Variants in RUSC2 observed in about 807,000 individuals in gnomAD.
RUSC2 encodes the protein AP-4 complex accessory subunit RUSC2.
In RUSC2, 34 loss-of-function variants were observed where a neutral mutation model predicts 122.2. The ratio of observed to expected loss-of-function variants is 0.28; its 90% CI spans 0.21 to 0.37. The LOEUF is 0.37. Among genes scored for constraint, RUSC2 ranks in the 10% least tolerant of loss-of-function variants. The pLI, the probability that RUSC2 is intolerant of heterozygous loss-of-function variation, is 1.00. For synonymous variants in RUSC2, 784 were observed against 790.0 expected (o/e 0.99, Z 0.13); for missense variants, 1,747 against 1,952.4 (o/e 0.89, Z 1.98).
Position 35,546,282 on chromosome 9 carries a change from C to T in RUSC2, c.-92-148C>T. 2.8e-6 allele frequency: 1 copy of T among 352,708 alleles called. No individual in the cohort carries two copies. Among genetic ancestry groups the T allele is most frequent in the Non-Finnish European group, 5.1e-6 (1 of 197,092 alleles). 21.8% of individuals were successfully genotyped at this position (352,708 alleles called of 1,614,324 possible). ...GAAAGCATGGTTACGTCCCCACCTG[C>T]CTATTGGGCTGTGTGGTCAAGCTCC... On this transcript the variant is annotated intron_variant, in intron 1 of 11. Coordinates refer to ENST00000361226, the MANE Select transcript of RUSC2 (RefSeq NM_014806.5). This position sits in a 1 kb window ranked among gnomAD's most constrained non-coding sequence, Gnocchi z 4.3.
intron 1 of RUSC2, among the ~76,000 whole-genome samples, chr9:35,532,455 A>G (rs1821438636): frequency 6.6e-6 from 1 of 152,176 alleles, no homozygotes. Context: ...TTTATAGAAG[A>G]CAAAAGGGGT....
At position 35,548,089 on chromosome 9, in the gene RUSC2, G is replaced by A. The variant is rs753457122; in HGVS notation, c.1568G>A (p.Arg523His). 1.9e-5 allele frequency: 31 copies of A among 1,613,006 alleles called. No individual in the cohort carries two copies. Among genetic ancestry groups the A allele is most frequent in the Middle Eastern group, 1.6e-4 (1 of 6,084 alleles). Residue 523 changes from arginine (R) to histidine (H), a missense_variant, in exon 2 of 12, where the codon CGC becomes CAC. By Grantham distance (29) the Arg-to-His change is conservative. Transcript: ENST00000361226. This position sits in a 1 kb window ranked among gnomAD's most constrained non-coding sequence, Gnocchi z 4.5. Reference protein sequence around the residue: ...SLERMLSCPVRLSEGPAAMAG... With the variant: ...SLERMLSCPVHLSEGPAAMAG... Reference sequence around the variant, plus strand: ...GAACGTATGTTGAGTTGCCCAGTGCGCTTGAGTGAGGGCCCTGCAGCCATG... The same window carrying A: ...GAACGTATGTTGAGTTGCCCAGTGCACTTGAGTGAGGGCCCTGCAGCCATG...
rs780154985 is a variant in RUSC2, at chr9:35,558,175, C to T, written c.3061-22C>T. The stretch of plus-strand genomic sequence containing the variant: ...CAGTCAGGCCTGAGGGGGTTTCCTG[C>T]ACTTCCCTACCACACCTACAGGCAA... On this transcript the variant is annotated intron_variant, in intron 6 of 11. Transcript: ENST00000361226. The surrounding 1 kb of genome is among the most constrained non-coding windows in gnomAD (Gnocchi z 4.3). 7 of 1,607,746 alleles carry T rather than the reference C, an allele frequency of 4.4e-6. No individual in the cohort carries two copies. The highest frequency in any genetic ancestry group is 5.9e-6 in the Non-Finnish European group (7 of 1,177,336).
intron 1 of RUSC2, among the ~76,000 whole-genome samples, chr9:35,494,432 C>A (rs1820632859): frequency 6.6e-6 from 1 of 152,124 alleles, no homozygotes; most frequent in South Asian, 2.1e-4. Context: ...CCCCTGCACT[C>A]CAGCTTGAGT....
intron 2 of RUSC2, among the ~76,000 whole-genome samples, chr9:35,550,210 C>CAA (rs75685185): frequency 9.4e-6 from 1 of 106,376 alleles, no homozygotes; most frequent in Admixed American, 9.5e-5. Context: ...AACTCCACCT[C>CAA]AAAAAAAAAA....
intron 1 of RUSC2, among the ~76,000 whole-genome samples, chr9:35,541,345 G>T (rs1369499626): frequency 2.0e-5 from 3 of 151,764 alleles, no homozygotes; most frequent in Non-Finnish European, 2.9e-5. Context: ...TTCATTAGAG[G>T]GGATGGGCCA....
At position 35,543,285 on chromosome 9, in the gene RUSC2, GC is replaced by G. The variant is rs1269183263; in HGVS notation, c.-92-3144del. Among the ~76,000 whole-genome samples, 3 of 152,076 alleles carry G rather than the reference GC, an allele frequency of 2.0e-5. No individual in the cohort carries two copies. The East Asian group carries it at 5.8e-4, about 29-fold the overall frequency. On this transcript the variant is annotated intron_variant, in intron 1 of 11. Coordinates refer to ENST00000361226, the MANE Select transcript of RUSC2 (RefSeq NM_014806.5). ...TACAAAAAATACAGAAATTAGCCAG[GC>G]GTGGTGGCACACACCTGTGGTCCTA...
Position 35,561,344 on chromosome 9 carries a change from C to CCAACT in RUSC2, c.4515_4519dup (p.Pro1507GlnfsTer46). 6.2e-7 allele frequency: 1 copy of CCAACT among 1,613,996 alleles called. No homozygotes were observed. The highest frequency in any genetic ancestry group is 8.5e-7 in the Non-Finnish European group (1 of 1,179,950). On this transcript the variant is annotated frameshift_variant, in exon 12 of 12. Coordinates refer to ENST00000361226, the MANE Select transcript of RUSC2 (RefSeq NM_014806.5). LOFTEE classifies it high-confidence loss of function. ...GCCCCTGGCCTACGTGACATTGACCCCAACTCCAAGTCCAACCCCTGGAAG... is the reference window on the plus strand; with the variant it reads ...GCCCCTGGCCTACGTGACATTGACCCCAACTCAACTCCAAGTCCAACCCCTGGAAG...
chr9:35,554,371 G>A (rs1821963101), intron 2 of RUSC2, among the ~76,000 whole-genome samples: 1 of 152,172 alleles, frequency 6.6e-6, no homozygotes, highest in Non-Finnish European at 1.5e-5. Flanking sequence ...TGAAAAGAGT[G>A]GGAGTGGGGG....
intron 1 of RUSC2, among the ~76,000 whole-genome samples, chr9:35,516,022 A>AAG (rs562839170): frequency 0.029 from 3,635 of 123,840 alleles, 11 homozygotes; most frequent in Non-Finnish European, 0.036. Context: ...AAAAAAAAAA[A>AAG]AGAGAAATGC....
rs3068511 is a variant in RUSC2, at chr9:35,513,903, C to CATATATATATAT, written c.-93+23756_-93+23767dup. On this transcript the variant is annotated intron_variant, in intron 1 of 11. Transcript: ENST00000361226. ...CTTTTGTAAATAGTGCTTCAACAAACATATATATATATATATATATATATA... is the reference window on the plus strand; with the variant it reads ...CTTTTGTAAATAGTGCTTCAACAAACATATATATATATATATATATATATATATATATATATA... Among the ~76,000 whole-genome samples the CATATATATATAT allele has an allele frequency of 9.1e-3, 946 of 104,018 alleles. 5 individuals are homozygous for CATATATATATAT. Among genetic ancestry groups the CATATATATATAT allele is most frequent in the Admixed American group, 0.015 (133 of 9,008 alleles). The allele number at this position is 104,018 out of a possible 152,430, so 68.2% of individuals were successfully genotyped here. A position where few individuals can be genotyped will look rare whatever the true frequency, so the allele number is the denominator to read the frequency against.
intron 1 of RUSC2, among the ~76,000 whole-genome samples, chr9:35,520,532 T>C (rs1275022419): frequency 6.6e-6 from 1 of 152,176 alleles, no homozygotes; most frequent in Non-Finnish European, 1.5e-5. Context: ...GGCATTCTGA[T>C]TGGATAGCAG....
chr9:35,544,815 T>C (rs555989183), intron 1 of RUSC2, among the ~76,000 whole-genome samples: 1 of 152,348 alleles, frequency 6.6e-6, no homozygotes, highest in Non-Finnish European at 1.5e-5. Context: ...TTTGGTGTCA[T>C]ATCTAAGAAA....
chr9:35,525,017 A>C (rs1325720345), intron 1 of RUSC2, among the ~76,000 whole-genome samples: 1 of 152,180 alleles, frequency 6.6e-6, no homozygotes, highest in East Asian at 1.9e-4. Context: ...TGATATAAAA[A>C]TGAGCCATTT....
chr9:35,555,732 C>T lies in RUSC2; in HGVS notation c.2656+31C>T, dbSNP rs367755197. ...AGCTCCAGCATCTCCCTACCCAACC[C>T]GCCACCTCACGCAAGCACTTCCACC... On this transcript the variant is annotated intron_variant, in intron 3 of 11. Transcript: ENST00000361226. The surrounding 1 kb of genome is among the most constrained non-coding windows in gnomAD (Gnocchi z 4.6). 2.0e-4 allele frequency: 308 copies of T among 1,562,210 alleles called. 1 individual carries two copies. The African/African-American group carries it at 3.6e-3, about 18-fold the overall frequency.
intron 1 of RUSC2, among the ~76,000 whole-genome samples, chr9:35,491,700 G>T (rs888186337): frequency 1.3e-5 from 2 of 152,092 alleles, no homozygotes; most frequent in Admixed American, 1.3e-4. Flanking sequence ...CTGTAATCCC[G>T]GCACTTTGGG....
intron 1 of RUSC2, among the ~76,000 whole-genome samples, chr9:35,521,736 A>C (rs1821219550): frequency 6.6e-6 from 1 of 152,264 alleles, no homozygotes; most frequent in South Asian, 2.1e-4. Flanking sequence ...TAAGGCAGCA[A>C]CTGGTGTGTC....
rs547335067 is a variant in RUSC2, at chr9:35,560,627, T to A, written c.3987T>A (p.Pro1329=). 3 of 1,607,580 alleles carry A rather than the reference T, an allele frequency of 1.9e-6. No homozygotes were observed. In the Admixed American group the frequency reaches 5.1e-5, roughly 27 times the overall value. The change falls in exon 10 of 12, where the codon CCT becomes CCA. Residue 1329 remains proline, a synonymous_variant. Transcript: ENST00000361226. ...EGVVEGAEAC[P]ASEEALGRER... ...TAGTGGAGGGGGCTGAGGCCTGCCC[T>A]GCCTCTGAGGAGGCCCTGGGCCGGG... is the stretch of plus-strand genomic sequence containing the variant.
intron 1 of RUSC2, among the ~76,000 whole-genome samples, chr9:35,503,243 T>C (rs1564244131): frequency 6.6e-6 from 1 of 152,134 alleles, no homozygotes; most frequent in Admixed American, 6.6e-5. Context: ...AATATTGTCT[T>C]TTATCCCTCA....
Sources: gnomAD v4.1 joint callset for allele counts (sites outside exome capture counted in the v4.1 genomes callset) on GRCh38, gnomAD v4.1.1 for gene constraint, Gnocchi (gnomAD v3.1) non-coding constraint, MANE v1.5 for transcripts, NCBI Gene and HGNC (gene_info 2026-07-23, HGNC 2026-07-21) for gene names.